The following MED13L variants were observed in gnomAD, a reference collection of about 807,000 sequenced individuals.
MED13L encodes mediator complex subunit 13L, also known as mediator of RNA polymerase II transcription subunit 13-like.
Under a neutral mutation model 220.9 loss-of-function variants are expected in MED13L, and 7 were observed. The ratio of observed to expected loss-of-function variants is 0.03; its 90% CI spans 0.02 to 0.06. MED13L has a LOEUF of 0.06. MED13L is among the 10% of genes least tolerant of loss of function. The pLI is 1.00. For missense variants in MED13L, 1,965 were observed against 2,760.5 expected (o/e 0.71, Z 6.46); for synonymous variants, 1,011 against 1,015.2 (o/e 1.00, Z 0.08).
chr12:116,064,200 A>G (rs952329935), intron 4 of MED13L, among the ~76,000 whole-genome samples: 1 of 151,772 alleles, frequency 6.6e-6, no homozygotes, highest in Non-Finnish European at 1.5e-5. Flanking sequence ...AAAAAAGTCT[A>G]GTATTTGCAT....
chr12:116,017,744 T>A (rs966873945), intron 7 of MED13L, among the ~76,000 whole-genome samples: 1 of 152,154 alleles, frequency 6.6e-6, no homozygotes, highest in African/African-American at 2.4e-5. Flanking sequence ...GCCTCCCAAG[T>A]AGCTGGAACT....
intron 2 of MED13L, among the ~76,000 whole-genome samples, chr12:116,206,074 C>CTTTTTTTTTTTTTTTT (rs1160337465): frequency 1.1e-5 from 1 of 87,190 alleles, no homozygotes; most frequent in African/African-American, 4.8e-5. Flanking sequence ...GTATTATTAC[C>CTTTTTTTTTTTTTTTT]TTTTTTTTTT....
intron 2 of MED13L, among the ~76,000 whole-genome samples, chr12:116,188,983 T>C (rs1321258753): frequency 6.6e-6 from 1 of 152,196 alleles, no homozygotes; most frequent in African/African-American, 2.4e-5. Context: ...CTGGGCTGTT[T>C]CCAGTTTAGG....
At chr12:116,267,837 A>G (rs1872948911) in intron 1 of MED13L, among the ~76,000 whole-genome samples, 1 of 152,216 alleles carries the variant, frequency 6.6e-6, no homozygotes, top group Admixed American at 6.5e-5. Flanking sequence ...TAAACACTAA[A>G]TGAATTCTTA....
At chr12:115,971,695 TGAGA>T (rs1226591947) in intron 26 of MED13L, among the ~76,000 whole-genome samples, 9 of 152,216 alleles carry the variant, frequency 5.9e-5, no homozygotes, top group African/African-American at 1.4e-4. Flanking sequence ...TCGAGGCTGC[TGAGA>T]GATTCTGCCA....
intron 4 of MED13L, among the ~76,000 whole-genome samples, chr12:116,084,814 T>C (rs1269480344): frequency 6.6e-6 from 1 of 150,928 alleles, no homozygotes; most frequent in African/African-American, 2.4e-5. Context: ...GGTGTGGAGA[T>C]GACATGCTAC....
intron 1 of MED13L, among the ~76,000 whole-genome samples, chr12:116,248,293 C>G (rs1164425120): frequency 6.6e-6 from 1 of 152,130 alleles, no homozygotes; most frequent in Non-Finnish European, 1.5e-5. Context: ...AGCACAGTCC[C>G]AAGTGGTATC....
intron 11 of MED13L, chr12:116,006,805 C>T (rs915020342): frequency 9.5e-6 from 2 of 211,464 alleles, no homozygotes; most frequent in Non-Finnish European, 1.9e-5. Flanking sequence ...CCTAACTATA[C>T]CGGCCTCTTA....
intron 2 of MED13L, among the ~76,000 whole-genome samples, chr12:116,130,487 T>A (rs1342763503): frequency 6.6e-6 from 1 of 152,178 alleles, no homozygotes; most frequent in Non-Finnish European, 1.5e-5. Context: ...TATCATAAAC[T>A]GAAAGGCTGT....
At position 115,991,110 on chromosome 12, in the gene MED13L, C is replaced by T; in HGVS notation, c.3844G>A (p.Gly1282Arg). ...GTGGGGTTATCCACATACTGCCGCC[C>T]CTGCTCCAACGCATTAAAGCATTCC... ...WTECFNALEQ[G>R]RQYVDNPTGG... Residue 1282 changes from glycine (G) to arginine (R), a missense_variant, in exon 17 of 31, where the codon GGG becomes AGG. By Grantham distance (125) the Gly-to-Arg change is moderately radical. Transcript: ENST00000281928. This position sits in a 1 kb window ranked among gnomAD's most constrained non-coding sequence, Gnocchi z 7.7. 6.2e-7 allele frequency: 1 copy of T among 1,614,194 alleles called. No homozygotes were observed. The highest frequency in any genetic ancestry group is 1.3e-5 in the African/African-American group (1 of 75,054).
At chr12:116,134,101 CTG>C (rs979926471) in intron 2 of MED13L, among the ~76,000 whole-genome samples, 14 of 152,178 alleles carry the variant, frequency 9.2e-5, no homozygotes, top group African/African-American at 3.1e-4. Context: ...ATAAAATAAA[CTG>C]TTTTTTGCTA....
intron 22 of MED13L, chr12:115,982,091 CACA>C (rs1434241410): frequency 6.1e-5 from 21 of 346,004 alleles, no homozygotes; most frequent in Middle Eastern, 8.7e-4. Flanking sequence ...TTGTATAAAG[CACA>C]ACATGACCAA....
At position 116,106,420 on chromosome 12, in the gene MED13L, AAGAAATGAAAGTT is replaced by A. The variant is rs113937478; in HGVS notation, c.395+4995_395+5007del. 8.3e-3 allele frequency among the ~76,000 whole-genome samples: 1,264 copies of A among 152,350 alleles called. 23 individuals carry two copies. The highest frequency in any genetic ancestry group is 0.029 in the African/African-American group (1,192 of 41,568). ...ATGATCCCAAAGAACAGAGTTAACGAAGAAATGAAAGTTAGAGGAAGACAGGCTTCTGCTCAGT... is the reference window on the plus strand; with the variant it reads ...ATGATCCCAAAGAACAGAGTTAACGAAGAGGAAGACAGGCTTCTGCTCAGT... On this transcript the variant is annotated intron_variant, in intron 3 of 30. Coordinates refer to ENST00000281928, the MANE Select transcript of MED13L (RefSeq NM_015335.5).
In MED13L at chr12:115,980,835, C is replaced by T. The variant is rs777003546; in HGVS notation, c.5279G>A (p.Arg1760Gln). 5.0e-6 allele frequency: 8 copies of T among 1,591,922 alleles called. 1 individual carries two copies. The highest frequency in any genetic ancestry group is 2.3e-5 in the East Asian group (1 of 43,852). Residue 1760 changes from arginine (R) to glutamine (Q), a missense_variant, in exon 23 of 31, where the codon CGA (arginine) becomes CAA (glutamine). Around this residue, in one of 10 missense-constraint regions of MED13L, gnomAD observed 510 missense variants for 620.4 expected, o/e 0.82. Transcript: ENST00000281928. ...AATGTGGATCTGTGTAGGCAGTGGT[C>T]GCCTGCACTGGCAGTACACTGAAAA... ...MAFSVYCQCR[R>Q]PLPTQIHIKS...
chr12:116,271,897 C>CA (rs1390896323), intron 1 of MED13L, among the ~76,000 whole-genome samples: 1 of 151,220 alleles, frequency 6.6e-6, no homozygotes, highest in East Asian at 1.9e-4. Flanking sequence ...CATTCACTTT[C>CA]AAAAAAAACA....
At chr12:116,058,506 G>T (rs1869157359) in intron 4 of MED13L, among the ~76,000 whole-genome samples, 1 of 152,190 alleles carries the variant, frequency 6.6e-6, no homozygotes, top group South Asian at 2.1e-4. Context: ...GCATAAACTG[G>T]CAATAAAACC....
intron 3 of MED13L, 79 bp from the exon 4 acceptor site, chr12:116,096,831 G>A (rs1379805138): frequency 7.2e-6 from 7 of 970,204 alleles, no homozygotes; most frequent in Non-Finnish European, 1.2e-5. Flanking sequence ...CACCAGATGA[G>A]ATATATCACC....
chr12:116,029,613 A>G lies in MED13L; in HGVS notation c.480-7012T>C, dbSNP rs551455577. Among the ~76,000 whole-genome samples, 16 of 152,312 alleles carry G rather than the reference A, an allele frequency of 1.1e-4. No individual in the cohort carries two copies. The East Asian group carries it at 2.1e-3, about 20-fold the overall frequency. ...AAAAACCTGGTACAGGAATAACAAC[A>G]AATAAAACAACGAAATATTTTAAAA... On this transcript the variant is annotated intron_variant, in intron 4 of 30. Coordinates refer to ENST00000281928, the MANE Select transcript of MED13L (RefSeq NM_015335.5).
intron 1 of MED13L, among the ~76,000 whole-genome samples, chr12:116,272,846 T>G (rs747104437): frequency 6.6e-6 from 1 of 152,218 alleles, no homozygotes; most frequent in African/African-American, 2.4e-5. Flanking sequence ...TTGCTGTCTA[T>G]TATGTACTTA....
Sources: gnomAD v4.1 joint callset for allele counts (sites outside exome capture counted in the v4.1 genomes callset) on GRCh38, gnomAD v4.1.1 for gene constraint, gnomAD v4.1.1 regional missense constraint, Gnocchi (gnomAD v3.1) non-coding constraint, MANE v1.5 for transcripts, NCBI Gene and HGNC (gene_info 2026-07-23, HGNC 2026-07-21) for gene names.